The following ABCC5 variants were observed in gnomAD, a reference collection of about 807,000 sequenced individuals.
The protein encoded by ABCC5 is ATP-binding cassette sub-family C member 5.
A neutral mutation model predicts 160.9 loss-of-function variants in ABCC5; 61 were observed. That is an observed-to-expected ratio of 0.38 (90% CI 0.31 to 0.47). The LOEUF is 0.47. ABCC5 is among the 20% of genes least tolerant of loss of function. The probability of loss-of-function intolerance (pLI) is 0.99; values close to 1 mark genes in which losing one functional copy is unlikely to be tolerated. For synonymous variants in ABCC5, 666 were observed against 700.6 expected, an observed-to-expected ratio of 0.95 and a Z score of 0.78; for missense variants, 1,308 against 1,813.3, an observed-to-expected ratio of 0.72 and a Z score of 5.06.
intron 17 of ABCC5, among the ~76,000 whole-genome samples, chr3:183,959,278 T>C (rs1391868227): frequency 2.0e-5 from 3 of 152,170 alleles, no homozygotes; most frequent in African/African-American, 7.2e-5. Flanking sequence ...TTACTCATAG[T>C]CCTGGTGCTA....
intron 2 of ABCC5, among the ~76,000 whole-genome samples, chr3:184,013,287 ACT>A (rs1225668276): frequency 6.6e-6 from 1 of 151,944 alleles, no homozygotes; most frequent in Non-Finnish European, 1.5e-5. Flanking sequence ...ACGGAGTCTC[ACT>A]CTGTTGCCCA....
At chr3:183,940,109 C>A (rs574335820) in intron 25 of ABCC5, among the ~76,000 whole-genome samples, 1 of 152,198 alleles carries the variant, frequency 6.6e-6, no homozygotes, top group East Asian at 1.9e-4. Context: ...GTATTAGGAC[C>A]CATCTTCCTA....
chr3:183,945,355 G>A (rs1352877583), intron 24 of ABCC5, among the ~76,000 whole-genome samples: 1 of 152,138 alleles, frequency 6.6e-6, no homozygotes, highest in Non-Finnish European at 1.5e-5. Flanking sequence ...AAATTTACTC[G>A]TTTGTAAGTT....
At chr3:183,989,194 C>T in intron 3 of ABCC5, 32 bp downstream of exon 3, 1 of 1,156,718 alleles carries the variant, frequency 8.6e-7, no homozygotes, top group Non-Finnish European at 1.2e-6. Flanking sequence ...GCCTTTGATG[C>T]TTCACTGTCA....
At position 183,963,487 on chromosome 3, in the gene ABCC5, G is replaced by A. The variant is rs766337097; in HGVS notation, c.2133C>T (p.Pro711=). The A allele has an allele frequency of 6.2e-7, 1 of 1,614,216 alleles. No homozygotes were observed. Among genetic ancestry groups the A allele is most frequent in the South Asian group, 1.1e-5 (1 of 91,080 alleles). The change falls in exon 15 of 30, where the codon CCC becomes CCT. Residue 711 remains proline, a synonymous_variant. Transcript: ENST00000334444. This position sits in a 1 kb window ranked among gnomAD's most constrained non-coding sequence, Gnocchi z 4.6. Reference sequence around the variant, plus strand: ...CCACATGGGCATCTAAGGCACTGAGGGGGTCGTCCAGGATGTAGATGCTCC... The same window carrying A: ...CCACATGGGCATCTAAGGCACTGAGAGGGTCGTCCAGGATGTAGATGCTCC... ...SDRSIYILDD[P]LSALDAHVGN...
In ABCC5 at chr3:183,928,732, A is replaced by G. The variant is rs1163814203; in HGVS notation, c.3933+15T>C. 6.2e-7 allele frequency: 1 copy of G among 1,612,160 alleles called. No homozygotes were observed. Among genetic ancestry groups the G allele is most frequent in the Non-Finnish European group, 8.5e-7 (1 of 1,178,552 alleles). On this transcript the variant is annotated intron_variant, in intron 27 of 29. Coordinates refer to ENST00000334444, the MANE Select transcript of ABCC5 (RefSeq NM_005688.4). ...TCACCATCTCAGCACGGCTTCCCCT[A>G]AGCTCTTCACTTACACATTCTTTCA...
Position 183,987,708 on chromosome 3 carries a change from A to T in ABCC5, c.591+62T>A, listed in dbSNP as rs753691880. 1.9e-6 allele frequency: 3 copies of T among 1,607,844 alleles called. No individual in the cohort carries two copies. In the East Asian group the frequency reaches 6.7e-5, roughly 36 times the overall value. Reference sequence around the variant, plus strand: ...AGCACAACCTCTGCAACAGAATAAGAGTGTTAGAGCTGGCCGTGGCCGGGC... The same window carrying T: ...AGCACAACCTCTGCAACAGAATAAGTGTGTTAGAGCTGGCCGTGGCCGGGC... On this transcript the variant is annotated intron_variant, in intron 5 of 29. Coordinates refer to ENST00000334444, the MANE Select transcript of ABCC5 (RefSeq NM_005688.4). This position sits in a 1 kb window ranked among gnomAD's most constrained non-coding sequence, Gnocchi z 4.2.
At chr3:183,966,303 T>G (rs986752841) in intron 12 of ABCC5, among the ~76,000 whole-genome samples, 10 of 152,216 alleles carry the variant, frequency 6.6e-5, no homozygotes, top group Non-Finnish European at 2.9e-5. Flanking sequence ...AGCATTCTGA[T>G]GTGCACTTCA....
chr3:183,962,043 C>T (rs6766526), intron 15 of ABCC5, among the ~76,000 whole-genome samples: 30,390 of 151,990 alleles, frequency 0.2, 3,174 homozygotes, highest in East Asian at 0.43. Flanking sequence ...TGAGCCACCG[C>T]GCCCAGCTGG....
rs1464138514 is a variant in ABCC5 at position 183,982,771 on chromosome 3, C to T, written c.825+3G>A. The T allele has an allele frequency of 6.2e-7, 1 of 1,614,088 alleles. No homozygotes were observed. The highest frequency in any genetic ancestry group is 8.5e-7 in the Non-Finnish European group (1 of 1,179,948). On this transcript the variant is annotated splice_donor_region_variant and intron_variant, in intron 6 of 29. Transcript: ENST00000334444. The surrounding 1 kb of genome is among the most constrained non-coding windows in gnomAD (Gnocchi z 5.2). ...TGCTGTGAAGCAAACACCCCTCACT[C>T]ACCTCACCCAGGGATTTCTCTTTAA...
chr3:183,993,452 C>T (rs1360089146), intron 2 of ABCC5, among the ~76,000 whole-genome samples: 1 of 144,860 alleles, frequency 6.9e-6, no homozygotes, highest in East Asian at 2.0e-4. Flanking sequence ...CCACTGCACT[C>T]CAGCCTGGGT....
chr3:183,964,843 G>A (rs1717071652), intron 14 of ABCC5, among the ~76,000 whole-genome samples: 1 of 152,216 alleles, frequency 6.6e-6, no homozygotes, highest in African/African-American at 2.4e-5. Context: ...GACTATCTGA[G>A]TTAAGGAGGT....
rs1200194432 is a variant in ABCC5, at chr3:183,987,501, G to A, written c.591+269C>T. 21 of 602,746 alleles carry A rather than the reference G, an allele frequency of 3.5e-5. No individual in the cohort carries two copies. The highest frequency in any genetic ancestry group is 2.9e-4 in the Admixed American group (10 of 34,316). 37.3% of individuals were successfully genotyped at this position (602,746 alleles called of 1,614,324 possible). ...TGTCAGTTCATGTTAACACACAACC[G>A]AGAAGCACAGTCCTGTGCAGAACTG... On this transcript the variant is annotated intron_variant, in intron 5 of 29. Transcript: ENST00000334444. The surrounding 1 kb of genome is among the most constrained non-coding windows in gnomAD (Gnocchi z 4.2).
In ABCC5 at chr3:184,014,332, T is replaced by A; in HGVS notation, c.61A>T (p.Arg21Trp). The A allele has an allele frequency of 6.2e-7, 1 of 1,614,012 alleles. No individual in the cohort carries two copies. The change falls in exon 2 of 30, where the codon AGG becomes TGG. Residue 21 changes from arginine (R) to tryptophan (W), a missense_variant. Physicochemically the swap from Arg to Trp is moderately radical, Grantham distance 101. Transcript: ENST00000334444. Reference sequence around the variant, plus strand: ...GTCCCAGAAGTGCTGGTTCTCTCCCTCACACTTCTATACCCAGGACTGGGG... The same window carrying A: ...GTCCCAGAAGTGCTGGTTCTCTCCCACACACTTCTATACCCAGGACTGGGG... ...IIPSPGYRSVRERTSTSGTHR... is the reference protein window; with the variant it reads ...IIPSPGYRSVWERTSTSGTHR...
intron 10 of ABCC5, among the ~76,000 whole-genome samples, chr3:183,975,911 C>T (rs767188170): frequency 6.6e-6 from 1 of 152,152 alleles, no homozygotes; most frequent in Admixed American, 6.6e-5. Flanking sequence ...GAGGACCAAC[C>T]TACACTACAT....
At chr3:184,004,682 C>T (rs1056900997) in intron 2 of ABCC5, among the ~76,000 whole-genome samples, 1 of 152,070 alleles carries the variant, frequency 6.6e-6, no homozygotes, top group Non-Finnish European at 1.5e-5. Flanking sequence ...ACACAAAGGT[C>T]AGGGGCTGAG....
In ABCC5 at chr3:183,989,372, T is replaced by C; in HGVS notation, c.141A>G (p.Gln47=). The C allele has an allele frequency of 6.2e-7, 1 of 1,613,862 alleles. No homozygotes were observed. The highest frequency in any genetic ancestry group is 8.5e-7 in the Non-Finnish European group (1 of 1,179,884). The stretch of plus-strand genomic sequence containing the variant: ...CTCGGGCTGCTGTTTCCAAGGCATC[T>C]TGGCATTCCAACTGTTCCAGCAGAT... ...KFRRTRPLEC[Q]DALETAARAE... Residue 47 remains glutamine, a synonymous_variant, in exon 3 of 30, where the codon CAA becomes CAG. Coordinates refer to ENST00000334444, the MANE Select transcript of ABCC5 (RefSeq NM_005688.4).
chr3:183,998,365 T>A (rs888913339), intron 2 of ABCC5, among the ~76,000 whole-genome samples: 1 of 152,212 alleles, frequency 6.6e-6, no homozygotes, highest in Admixed American at 6.5e-5. Flanking sequence ...GCTATAGCAA[T>A]CTTCCTTGTG....
intron 17 of ABCC5, among the ~76,000 whole-genome samples, chr3:183,955,751 CA>C (rs1195022272): frequency 4.2e-5 from 6 of 141,934 alleles, no homozygotes; most frequent in East Asian, 2.5e-4. Context: ...TAAATCACAT[CA>C]GTTACATGCA....
Sources: allele counts gnomAD v4.1 joint callset (sites outside exome capture counted in the v4.1 genomes callset), GRCh38; gene constraint gnomAD v4.1.1; non-coding constraint Gnocchi (gnomAD v3.1); transcripts MANE v1.5; gene names NCBI Gene and HGNC (gene_info 2026-07-23, HGNC 2026-07-21).